PCDH10: variants seen among roughly 807,000 people sequenced by gnomAD.
The protein encoded by PCDH10 is protocadherin 10, also known as protocadherin-10.
In PCDH10, 15 loss-of-function variants were observed where a neutral mutation model predicts 74.4. That is an observed-to-expected ratio of 0.20 (90% CI 0.13 to 0.31). The LOEUF (loss-of-function observed/expected upper bound fraction) is 0.31, where lower values mean the gene tolerates loss of function less well. PCDH10 is among the 10% of genes least tolerant of loss of function. PCDH10 has a pLI of 1.00. For missense variants in PCDH10, 1,260 were observed against 1,390.2 expected, an observed-to-expected ratio of 0.91 and a Z score of 1.49; for synonymous variants, 619 against 589.8, an observed-to-expected ratio of 1.05 and a Z score of -0.72.
intron 2 of PCDH10, among the ~76,000 whole-genome samples, chr4:133,200,080 G>A (rs1453074581): frequency 6.6e-6 from 1 of 151,682 alleles, no homozygotes; most frequent in Non-Finnish European, 1.5e-5. Flanking sequence ...TTACAGGCGT[G>A]AGCCACCGCG....
Position 133,152,189 on chromosome 4 carries a change from G to A in PCDH10, c.2049G>A (p.Val683=), listed in dbSNP as rs746449924. Residue 683 remains valine (V), a synonymous_variant, in exon 1 of 5, where the codon GTG becomes GTA. Coordinates refer to ENST00000264360, the MANE Select transcript of PCDH10 (RefSeq NM_032961.3). The part of the protein sequence containing the change: ...TLVVQLVDGA[V]EPQGGGGSGG... ...TGGTTCAGCTGGTGGATGGCGCCGT[G>A]GAGCCCCAGGGCGGGGGCGGGAGCG... 17 of 1,574,804 alleles carry A rather than the reference G, an allele frequency of 1.1e-5. No individual in the cohort carries two copies. Among genetic ancestry groups the A allele is most frequent in the Non-Finnish European group, 1.4e-5 (16 of 1,161,112 alleles).
intron 2 of PCDH10, among the ~76,000 whole-genome samples, chr4:133,200,580 T>C (rs527265910): frequency 6.6e-6 from 1 of 152,292 alleles, no homozygotes; most frequent in African/African-American, 2.4e-5. Flanking sequence ...CTTCTAACCT[T>C]TACTAGCAAT....
At chr4:133,161,952 C>T (rs1410139723) in intron 3 of PCDH10, among the ~76,000 whole-genome samples, 1 of 152,016 alleles carries the variant, frequency 6.6e-6, no homozygotes, top group African/African-American at 2.4e-5. Context: ...CTGTGTAGTG[C>T]TATATATATC....
rs1727693346 is a variant in PCDH10, at chr4:133,192,251, G to A, written c.*2091G>A. 6.6e-6 allele frequency: 1 copy of A among 151,578 alleles called. No individual in the cohort carries two copies. The highest frequency in any genetic ancestry group is 2.1e-4 in the South Asian group (1 of 4,830). 9.4% of individuals were successfully genotyped at this position (151,578 alleles called of 1,614,324 possible). ...GCATTACTACATTAATATTTTGAAT[G>A]ATAGACTATTTTAGTAAGGAAATGT... On this transcript the variant is annotated 3_prime_UTR_variant, in exon 5 of 5. Transcript: ENST00000264360.
rs1359367760 is a variant in PCDH10, at chr4:133,194,551, TAATA to T, written c.*4395_*4398del. ...TACATAAGTAAAATGAGTGTAAATG[TAATA>T]AATTATTTTATACTGCTGTATACAT... On this transcript the variant is annotated 3_prime_UTR_variant, in exon 5 of 5. Transcript: ENST00000264360. 6 of 151,930 alleles carry T rather than the reference TAATA, an allele frequency of 3.9e-5. No individual in the cohort carries two copies. Among genetic ancestry groups the T allele is most frequent in the African/African-American group, 1.4e-4 (6 of 41,448 alleles). 9.4% of individuals were successfully genotyped at this position (151,930 alleles called of 1,614,324 possible).
intron 4 of PCDH10, among the ~76,000 whole-genome samples, chr4:133,179,718 G>A (rs964932696): frequency 2.6e-5 from 4 of 151,980 alleles, no homozygotes; most frequent in Non-Finnish European, 5.9e-5. Context: ...AACAATTGTT[G>A]GTCCACTGGA....
At chr4:133,186,704 C>T (rs1031612139) in intron 4 of PCDH10, among the ~76,000 whole-genome samples, 6 of 152,038 alleles carry the variant, frequency 3.9e-5, no homozygotes, top group Middle Eastern at 3.4e-3. Flanking sequence ...GCCATACAAC[C>T]CTAAAAGAAT....
At chr4:133,154,574 T>G (rs1726822863) in intron 2 of PCDH10, among the ~76,000 whole-genome samples, 3 of 152,226 alleles carry the variant, frequency 2.0e-5, no homozygotes, top group Admixed American at 1.3e-4. Flanking sequence ...AAACTATATT[T>G]GAATATTTTG....
chr4:133,181,044 A>G (rs1474682539), intron 4 of PCDH10, among the ~76,000 whole-genome samples: 1 of 151,928 alleles, frequency 6.6e-6, no homozygotes, highest in Non-Finnish European at 1.5e-5. Flanking sequence ...AGTATAACTA[A>G]AACTAAAGTA....
At chr4:133,202,764 TA>T (rs1444442072) in intron 2 of PCDH10, among the ~76,000 whole-genome samples, 1 of 152,174 alleles carries the variant, frequency 6.6e-6, no homozygotes, top group African/African-American at 2.4e-5. Flanking sequence ...ACATCCTGAC[TA>T]ATGGATGAAA....
At chr4:133,162,313 T>G (rs12507072) in intron 3 of PCDH10, among the ~76,000 whole-genome samples, 7,505 of 152,244 alleles carry the variant, frequency 0.049, 392 homozygotes, top group East Asian at 0.27. Flanking sequence ...TTTAGTAATA[T>G]GGACTACCAG....
downstream of PCDH10, among the ~76,000 whole-genome samples, chr4:133,196,116 T>A (rs1379488825): frequency 1.3e-5 from 2 of 152,184 alleles, no homozygotes; most frequent in African/African-American, 4.8e-5. Context: ...GACTTGTAAC[T>A]GCCTAACAGG....
rs777316977 is a variant in PCDH10 at position 133,151,288 on chromosome 4, C to T, written c.1148C>T (p.Thr383Ile). The change falls in exon 1 of 5, where the codon ACT becomes ATT. Residue 383 changes from threonine (T) to isoleucine (I), a missense_variant. Physicochemically the swap from Thr to Ile is moderately conservative, Grantham distance 89. Transcript: ENST00000264360. ...PGTVVALFSV[T>I]DRDSEENGQV... ...ACTGTGGTGGCCCTTTTCAGCGTGA[C>T]TGACCGCGACTCAGAGGAGAATGGG... 4.3e-6 allele frequency: 7 copies of T among 1,614,120 alleles called. No homozygotes were observed. In the South Asian group the frequency reaches 6.6e-5, roughly 15 times the overall value.
rs918916878 is a variant in PCDH10, at chr4:133,152,440, G to T, written c.2300G>T (p.Gly767Val). ...TGCTGCTGCTGCTGCGGTGGCGGAG[G>T]TTCGACCTGCTGTGGCCGCCAAGCC... Reference protein sequence around the residue: ...CLCCCCCGGGGSTCCGRQARA... With the variant: ...CLCCCCCGGGVSTCCGRQARA... The change falls in exon 1 of 5, where the codon GGT becomes GTT. Residue 767 changes from glycine to valine, a missense_variant. Around this residue, in one of 11 missense-constraint regions of PCDH10, gnomAD observed 587 missense variants for 616.9 expected, o/e 0.95. Coordinates refer to ENST00000264360, the MANE Select transcript of PCDH10 (RefSeq NM_032961.3). 2 of 1,614,004 alleles carry T rather than the reference G, an allele frequency of 1.2e-6. No individual in the cohort carries two copies. Among genetic ancestry groups the T allele is most frequent in the Non-Finnish European group, 1.7e-6 (2 of 1,180,042 alleles).
intron 1 of PCDH10, 23 bp downstream of exon 1, chr4:133,152,794 A>G (rs756539514): frequency 1.2e-6 from 2 of 1,613,800 alleles, no homozygotes; most frequent in Non-Finnish European, 1.7e-6. Flanking sequence ...CGAAAGGACC[A>G]CCATCTCTCA....
chr4:133,177,588 T>G (rs1727321140), intron 4 of PCDH10, among the ~76,000 whole-genome samples: 1 of 152,184 alleles, frequency 6.6e-6, no homozygotes, highest in African/African-American at 2.4e-5. Flanking sequence ...AGAATCATTC[T>G]CATTTATGTT....
At position 133,162,983 on chromosome 4, in the gene PCDH10, A is replaced by G. The variant is rs1178558699; in HGVS notation, c.2804A>G (p.Asp935Gly). ...TTCTGTTTTCTGCTTACAGGTATGG[A>G]TCTCTTCTCCAATTGCACTGAGGAA... ...ATNRAQSAGM[D>G]LFSNCTEECK... is the part of the protein sequence containing the mutation. The change falls in exon 4 of 5, where the codon GAT (aspartate) becomes GGT (glycine). Residue 935 changes from aspartate to glycine, a missense_variant. Asp to Gly is a moderately conservative substitution (Grantham distance 94). Around this residue, in one of 11 missense-constraint regions of PCDH10, gnomAD observed 136 missense variants for 149.3 expected, o/e 0.91. Coordinates refer to ENST00000264360, the MANE Select transcript of PCDH10 (RefSeq NM_032961.3). The G allele has an allele frequency of 6.2e-7, 1 of 1,610,120 alleles. No individual in the cohort carries two copies.
intron 4 of PCDH10, 80 bp downstream of exon 4, chr4:133,163,362 A>C (rs1028490039): frequency 5.3e-6 from 7 of 1,313,530 alleles, no homozygotes; most frequent in African/African-American, 1.5e-5. Flanking sequence ...TTTGGTAAAA[A>C]TGGAGTTCAG....
In PCDH10 at chr4:133,149,788, A is replaced by T. The variant is rs561112557; in HGVS notation, c.-353A>T. On this transcript the variant is annotated 5_prime_UTR_variant, in exon 1 of 5. An upstream open reading frame in the 5' UTR gains an earlier in-frame stop. Coordinates refer to ENST00000264360, the MANE Select transcript of PCDH10 (RefSeq NM_032961.3). Reference sequence around the variant, plus strand: ...AGAAGACAAACCGAGGACAGTCTTGAAATATCGAAATTTCCTCTTTGGGAT... The same window carrying T: ...AGAAGACAAACCGAGGACAGTCTTGTAATATCGAAATTTCCTCTTTGGGAT... The T allele has an allele frequency of 5.5e-6, 1 of 180,708 alleles. No homozygotes were observed. The highest frequency in any genetic ancestry group is 1.6e-4 in the South Asian group (1 of 6,108). 11.2% of individuals were successfully genotyped at this position (180,708 alleles called of 1,614,324 possible). A position where few individuals can be genotyped will look rare whatever the true frequency, so the allele number is the denominator to read the frequency against.
Sources: gnomAD v4.1 joint callset for allele counts (sites outside exome capture counted in the v4.1 genomes callset) on GRCh38, gnomAD v4.1.1 for gene constraint, gnomAD v4.1.1 regional missense constraint, MANE v1.5 for transcripts, NCBI Gene and HGNC (gene_info 2026-07-23, HGNC 2026-07-21) for gene names.